Variants in ICE2 observed in about 807,000 individuals in gnomAD.
The protein encoded by ICE2 is interactor of little elongation complex ELL subunit 2.
In ICE2, 87 loss-of-function variants were observed where a neutral mutation model predicts 105.4. That is an observed-to-expected ratio of 0.83 (90% CI 0.69 to 0.99). The LOEUF is 0.99. Ranked by LOEUF, ICE2 falls within the 50% of genes least tolerant of loss-of-function variation. The pLI is 0.00. For missense variants in ICE2, 1,323 were observed against 1,146.7 expected (o/e 1.15, Z -2.22); for synonymous variants, 399 against 392.0 (o/e 1.02, Z -0.21).
At chr15:60,461,046 G>A (rs2064262782) in intron 5 of ICE2, among the ~76,000 whole-genome samples, 1 of 135,984 alleles carries the variant, frequency 7.4e-6, no homozygotes, top group Non-Finnish European at 1.6e-5. Flanking sequence ...GATACTAGTA[G>A]CATTCCACCA....
chr15:60,424,392 G>GA (rs1395501580), intron 15 of ICE2, among the ~76,000 whole-genome samples: 1 of 7,408 alleles, frequency 1.3e-4, no homozygotes, highest in Non-Finnish European at 4.2e-4. Context: ...AAAAGGGGAA[G>GA]AAAAAACTGG....
intron 11 of ICE2, among the ~76,000 whole-genome samples, chr15:60,446,545 G>C (rs1439144771): frequency 6.6e-6 from 1 of 152,104 alleles, no homozygotes; most frequent in East Asian, 1.9e-4. Flanking sequence ...ACAGGCGCCT[G>C]CCACCATACC....
intron 1 of ICE2, among the ~76,000 whole-genome samples, 196 bp from the exon 2 acceptor site, chr15:60,478,265 G>C (rs886366924): frequency 6.6e-6 from 1 of 152,136 alleles, no homozygotes; most frequent in African/African-American, 2.4e-5. Flanking sequence ...TTTAATCTAC[G>C]CCGGGAGTGT....
At chr15:60,450,039 T>C (rs1022395133) in intron 9 of ICE2, among the ~76,000 whole-genome samples, 198 bp from the exon 10 acceptor site, 2 of 152,178 alleles carry the variant, frequency 1.3e-5, no homozygotes, top group African/African-American at 4.8e-5. Context: ...CACTGATATG[T>C]TCATGATAAC....
chr15:60,468,415 A>G (rs2064491145), intron 3 of ICE2, 93 bp from the exon 4 acceptor site: 1 of 975,624 alleles, frequency 1.0e-6, no homozygotes, highest in East Asian at 2.4e-5. Flanking sequence ...GGGAGAATAT[A>G]GCGTGATTAA....
chr15:60,467,959 TAA>T, intron 4 of ICE2, 100 bp downstream of exon 4: 1 of 1,105,944 alleles, frequency 9.0e-7, no homozygotes, highest in Non-Finnish European at 1.2e-6. Flanking sequence ...TTTTCCATTT[TAA>T]AAAAAATGAC....
chr15:60,422,064 A>C lies in ICE2; in HGVS notation c.*1570T>G, dbSNP rs1368025032. On this transcript the variant is annotated 3_prime_UTR_variant, in exon 16 of 16. Coordinates refer to ENST00000261520, the MANE Select transcript of ICE2 (RefSeq NM_024611.6). The stretch of plus-strand genomic sequence containing the variant: ...AATTATCTAGGATTACAAAACTTAT[A>C]TTTTACAAATGACATACATAATTTC... The C allele has an allele frequency of 6.6e-6, 1 of 152,048 alleles. No homozygotes were observed. Among genetic ancestry groups the C allele is most frequent in the African/African-American group, 2.4e-5 (1 of 41,390 alleles). 9.4% of individuals were successfully genotyped at this position (152,048 alleles called of 1,614,324 possible).
chr15:60,437,674 C>T (rs2063627288), intron 12 of ICE2: 1 of 151,450 alleles, frequency 6.6e-6, no homozygotes. Context: ...TTTTTTAAGA[C>T]AGAGTCTTGC....
At chr15:60,460,048 T>C (rs2064231809) in intron 5 of ICE2, among the ~76,000 whole-genome samples, 1 of 152,236 alleles carries the variant, frequency 6.6e-6, no homozygotes, top group African/African-American at 2.4e-5. Flanking sequence ...TAATCCCACC[T>C]AGATTTTTGT....
chr15:60,461,008 T>C (rs2141115509), intron 5 of ICE2, among the ~76,000 whole-genome samples: 1 of 149,602 alleles, frequency 6.7e-6, no homozygotes, highest in South Asian at 2.1e-4. Context: ...TTAGTATGTT[T>C]AGCAGCATCC....
At chr15:60,427,343 T>C (rs1312692381) in intron 15 of ICE2, among the ~76,000 whole-genome samples, 4 of 152,160 alleles carry the variant, frequency 2.6e-5, no homozygotes, top group African/African-American at 4.8e-5. Context: ...TCAAAGACTT[T>C]TGGCAGTAAG....
In ICE2 at chr15:60,449,609, GAATTAGC is replaced by G; in HGVS notation, c.1351_1357del (p.Ala451LeufsTer8). 1 of 1,614,144 alleles carries G rather than the reference GAATTAGC, an allele frequency of 6.2e-7. No individual in the cohort carries two copies. Among genetic ancestry groups the G allele is most frequent in the South Asian group, 1.1e-5 (1 of 91,084 alleles). On this transcript the variant is annotated frameshift_variant, in exon 10 of 16. Transcript: ENST00000261520. LOFTEE classifies it high-confidence loss of function. ...CATCAGAATCTGAGATAAACTTCTA[GAATTAGC>G]AGAAATGTCTGGTGCACTTGGTGCC...
chr15:60,435,783 C>A (rs1296661439), intron 13 of ICE2, among the ~76,000 whole-genome samples: 1 of 151,952 alleles, frequency 6.6e-6, no homozygotes, highest in Non-Finnish European at 1.5e-5. Context: ...TGAGACCAGC[C>A]CAGGCAACAT....
chr15:60,478,527 A>C (rs2064834749), intron 1 of ICE2: 1 of 198,444 alleles, frequency 5.0e-6, no homozygotes, highest in Non-Finnish European at 1.0e-5. Context: ...ATTTGAGAAG[A>C]CTTGAGGTCA....
chr15:60,457,510 T>G (rs564806230), intron 5 of ICE2, among the ~76,000 whole-genome samples: 1 of 152,298 alleles, frequency 6.6e-6, no homozygotes, highest in South Asian at 2.1e-4. Flanking sequence ...TGAAATGTCT[T>G]AGAAAATATT....
At chr15:60,446,861 A>G (rs1395800502) in intron 11 of ICE2, among the ~76,000 whole-genome samples, 4 of 152,224 alleles carry the variant, frequency 2.6e-5, no homozygotes, top group African/African-American at 9.7e-5. Context: ...AGACAGAGAC[A>G]CCAAAACTTG....
At position 60,432,170 on chromosome 15, in the gene ICE2, A is replaced by T. The variant is rs570060377; in HGVS notation, c.2511-186T>A. Among the ~76,000 whole-genome samples the T allele has an allele frequency of 1.8e-4, 27 of 150,190 alleles. No individual in the cohort carries two copies. In the South Asian group the frequency reaches 2.3e-3, roughly 13 times the overall value. ...ATTATGATATTTACTTAATTTTTTA[A>T]AAAAAATTTCCTTTTTTTTTTTTTT... On this transcript the variant is annotated intron_variant, in intron 13 of 15. Coordinates refer to ENST00000261520, the MANE Select transcript of ICE2 (RefSeq NM_024611.6).
chr15:60,478,475 C>T (rs2064832942), intron 1 of ICE2: 1 of 178,564 alleles, frequency 5.6e-6, no homozygotes, highest in Non-Finnish European at 1.2e-5. Flanking sequence ...ACAAAAGCTA[C>T]CTCGATATCA....
intron 3 of ICE2, among the ~76,000 whole-genome samples, chr15:60,469,752 C>A (rs1186219939): frequency 6.6e-6 from 1 of 152,204 alleles, no homozygotes; most frequent in Non-Finnish European, 1.5e-5. Context: ...ATGCTTTACT[C>A]CCAAATAAAT....
Sources: gnomAD v4.1 joint callset for allele counts (sites outside exome capture counted in the v4.1 genomes callset) on GRCh38, gnomAD v4.1.1 for gene constraint, MANE v1.5 for transcripts, NCBI Gene and HGNC (gene_info 2026-07-23, HGNC 2026-07-21) for gene names.